Variants in TTC34 observed in about 807,000 individuals in gnomAD.
The protein encoded by TTC34 is tetratricopeptide repeat domain 34.
Under a neutral mutation model 40.7 loss-of-function variants are expected in TTC34, and 44 were observed. The observed-to-expected ratio is 1.08, with a 90% confidence interval of 0.85 to 1.39. TTC34 has a LOEUF of 1.39. Among genes scored for constraint, TTC34 ranks in the 40% most tolerant of loss-of-function variants. The probability of loss-of-function intolerance (pLI) is 0.00; values close to 1 mark genes in which losing one functional copy is unlikely to be tolerated. For synonymous variants in TTC34, 422 were observed against 398.6 expected, an observed-to-expected ratio of 1.06 and a Z score of -0.70; for missense variants, 884 against 838.0, an observed-to-expected ratio of 1.05 and a Z score of -0.68.
intron 6 of TTC34, among the ~76,000 whole-genome samples, chr1:2,780,981 T>G (rs1470117840): frequency 6.6e-6 from 1 of 152,262 alleles, no homozygotes; most frequent in African/African-American, 2.4e-5. Context: ...ACCTCTTTGG[T>G]TAATTCCTAA....
intron 6 of TTC34, among the ~76,000 whole-genome samples, chr1:2,688,486 C>T (rs1162153707): frequency 1.1e-4 from 13 of 113,442 alleles, no homozygotes; most frequent in Non-Finnish European, 1.5e-4. Context: ...AGCAGCACCC[C>T]ACACCCACAG....
At chr1:2,794,492 A>G (rs917994493) in intron 2 of TTC34, among the ~76,000 whole-genome samples, 5 of 152,128 alleles carry the variant, frequency 3.3e-5, no homozygotes, top group African/African-American at 1.2e-4. Context: ...AATGTCTAAT[A>G]CCTTTTTGTT....
intron 6 of TTC34, among the ~76,000 whole-genome samples, chr1:2,778,662 G>A (rs550952870): frequency 3.3e-5 from 5 of 152,348 alleles, no homozygotes; most frequent in Non-Finnish European, 7.3e-5. Context: ...CAACACCTGG[G>A]CATATCCCCA....
chr1:2,780,272 T>C (rs1007486315), intron 6 of TTC34, among the ~76,000 whole-genome samples: 2 of 152,222 alleles, frequency 1.3e-5, no homozygotes, highest in African/African-American at 4.8e-5. Context: ...TAGTGTCCTT[T>C]GGTGCACAAA....
chr1:2,768,199 G>A (rs554116908), intron 6 of TTC34, among the ~76,000 whole-genome samples: 1 of 151,414 alleles, frequency 6.6e-6, no homozygotes, highest in Non-Finnish European at 1.5e-5. Flanking sequence ...TGGAGCAGCA[G>A]TGCCCACCCC....
chr1:2,759,621 C>T (rs1641625357), intron 6 of TTC34, among the ~76,000 whole-genome samples: 1 of 152,184 alleles, frequency 6.6e-6, no homozygotes, highest in African/African-American at 2.4e-5. Flanking sequence ...ATCCGCCAGC[C>T]TGGAACAGCA....
chr1:2,686,985 C>T (rs796761543), intron 6 of TTC34, among the ~76,000 whole-genome samples: 4 of 68,462 alleles, frequency 5.8e-5, no homozygotes, highest in South Asian at 5.1e-4. Flanking sequence ...CATCCGCCAG[C>T]CTGGAAAAGC....
intron 6 of TTC34, among the ~76,000 whole-genome samples, chr1:2,687,607 C>T (rs1325568514): frequency 8.3e-6 from 1 of 121,198 alleles, no homozygotes. Flanking sequence ...GCACCCACAC[C>T]CCCAGGTGAG....
chr1:2,791,555 C>T (rs1462415704), intron 2 of TTC34, among the ~76,000 whole-genome samples: 4 of 152,166 alleles, frequency 2.6e-5, no homozygotes, highest in Admixed American at 6.5e-5. Flanking sequence ...CGGTAAGCGC[C>T]GAGTCCAGCA....
intron 6 of TTC34, among the ~76,000 whole-genome samples, chr1:2,777,173 C>G (rs28524109): frequency 4.8e-5 from 5 of 103,776 alleles, no homozygotes; most frequent in African/African-American, 2.0e-4. Flanking sequence ...ACCCACACCC[C>G]CAGGTGAGCA....
chr1:2,686,477 A>T (rs1220216813), intron 6 of TTC34, among the ~76,000 whole-genome samples: 18 of 108,284 alleles, frequency 1.7e-4, no homozygotes, highest in Non-Finnish European at 2.3e-4. Context: ...AACAGCACCC[A>T]CATGCCCAGC....
At chr1:2,686,133 ATCTGATGGTCTGGAGCAGCACGCAT>A (rs1640333036) in intron 6 of TTC34, among the ~76,000 whole-genome samples, 1 of 110,960 alleles carries the variant, frequency 9.0e-6, no homozygotes, top group Admixed American at 9.9e-5. Flanking sequence ...GCAGGTGAGC[ATCTGATGGTCTGGAGCAGCACGCAT>A]AACCACAGGT....
chr1:2,658,500 AC>A, intron 6 of TTC34, among the ~76,000 whole-genome samples: 1 of 59,140 alleles, frequency 1.7e-5, no homozygotes, highest in East Asian at 4.1e-4. Context: ...AGCAGCACCC[AC>A]ACACCCAGGT....
chr1:2,795,532 G>A (rs1643703802), intron 2 of TTC34, among the ~76,000 whole-genome samples: 1 of 152,158 alleles, frequency 6.6e-6, no homozygotes, highest in Non-Finnish European at 1.5e-5. Flanking sequence ...GGAAGCCGTG[G>A]GGCCTCTGAG....
intron 6 of TTC34, among the ~76,000 whole-genome samples, chr1:2,649,415 C>CTAAGGT (rs1639083165): frequency 6.6e-6 from 1 of 151,934 alleles, no homozygotes; most frequent in Admixed American, 6.6e-5. Flanking sequence ...AGGTGAGCAC[C>CTAAGGT]TGACAGCCTG....
At chr1:2,677,870 C>G (rs1196738842) in intron 6 of TTC34, among the ~76,000 whole-genome samples, 1 of 28,776 alleles carries the variant, frequency 3.5e-5, no homozygotes, top group Non-Finnish European at 5.7e-5. Context: ...GAGCATCAGA[C>G]AGCCTGGAAC....
In TTC34 at chr1:2,643,989, G is replaced by C. The variant is rs905975089; in HGVS notation, c.2712+275C>G. 3.3e-5 allele frequency among the ~76,000 whole-genome samples: 5 copies of C among 152,342 alleles called. No individual in the cohort carries two copies. The South Asian group carries it at 1.0e-3, about 32-fold the overall frequency. ...CCTGGCTGGCTCAGTCTGGCCCTGA[G>C]GGCAAGGTCCTCTTCCCTCTCTTGC... On this transcript the variant is annotated intron_variant, in intron 8 of 8. Transcript: ENST00000401095.
chr1:2,752,829 C>A lies in TTC34; in HGVS notation c.2226+30780G>T, dbSNP rs1314414161. ...GCTCCCTGCATCCCCAGGTGCGCAC[C>A]TGACAGACTGGAACAGCACCCACAC... On this transcript the variant is annotated intron_variant, in intron 6 of 8. Transcript: ENST00000401095. Among the ~76,000 whole-genome samples, 1,673 of 130,710 alleles carry A rather than the reference C, an allele frequency of 0.013. 322 individuals carry two copies. The East Asian group carries it at 0.25, about 20-fold the overall frequency. 85.8% of individuals were successfully genotyped at this position (130,710 alleles called of 152,430 possible). A position where few individuals can be genotyped will look rare whatever the true frequency, so the allele number is the denominator to read the frequency against.
intron 6 of TTC34, among the ~76,000 whole-genome samples, chr1:2,690,117 C>T (rs1490507525): frequency 2.2e-3 from 289 of 132,202 alleles, no homozygotes; most frequent in African/African-American, 7.7e-3. Context: ...GAGTATCTGA[C>T]TGCCTGGAAC....
Sources: gnomAD v4.1 joint callset for allele counts (sites outside exome capture counted in the v4.1 genomes callset) on GRCh38, gnomAD v4.1.1 for gene constraint, MANE v1.5 for transcripts, NCBI Gene and HGNC (gene_info 2026-07-23, HGNC 2026-07-21) for gene names.